MBNL2: variants seen among roughly 807,000 people sequenced by gnomAD.
MBNL2 encodes muscleblind-like protein 2.
A neutral mutation model predicts 41.9 loss-of-function variants in MBNL2; 17 were observed. The ratio of observed to expected loss-of-function variants is 0.41; its 90% CI spans 0.28 to 0.61. MBNL2 has a LOEUF of 0.61. Ranked by LOEUF, MBNL2 falls within the 20% of genes least tolerant of loss-of-function variation. The probability of loss-of-function intolerance (pLI) is 0.35; values close to 1 mark genes in which losing one functional copy is unlikely to be tolerated. For missense variants in MBNL2, 336 were observed against 505.6 expected, an observed-to-expected ratio of 0.66 and a Z score of 3.22; for synonymous variants, 195 against 182.9, an observed-to-expected ratio of 1.07 and a Z score of -0.53.
At chr13:97,196,794 C>T in the MBNL2 span, among the ~76,000 whole-genome samples, 1 of 152,164 alleles carries the variant, frequency 6.6e-6, no homozygotes, top group African/African-American at 2.4e-5. Flanking sequence ...CTGTGGTATT[C>T]CTTACACACT....
At chr13:97,238,944 G>A (rs1036938578) in intron 1 of MBNL2, among the ~76,000 whole-genome samples, 3 of 152,178 alleles carry the variant, frequency 2.0e-5, no homozygotes, top group African/African-American at 7.2e-5. Flanking sequence ...AGATAAATGT[G>A]AAGGAAGGTG....
At chr13:97,324,933 C>G (rs527868517) in intron 2 of MBNL2, among the ~76,000 whole-genome samples, 1 of 152,116 alleles carries the variant, frequency 6.6e-6, no homozygotes, top group Non-Finnish European at 1.5e-5. Flanking sequence ...TGCTGGCAGC[C>G]GATTAGATGG....
intron 2 of MBNL2, among the ~76,000 whole-genome samples, chr13:97,304,998 TA>T (rs1431962480): frequency 6.6e-6 from 1 of 152,032 alleles, no homozygotes; most frequent in Non-Finnish European, 1.5e-5. Context: ...ATCTGCTGCT[TA>T]AAAAAAATAA....
intron 1 of MBNL2, among the ~76,000 whole-genome samples, chr13:97,263,504 T>A (rs1044058429): frequency 1.3e-5 from 2 of 152,196 alleles, no homozygotes; most frequent in African/African-American, 4.8e-5. Flanking sequence ...GGACCATTTT[T>A]AAAAAAATTG....
chr13:97,190,926 G>T, the MBNL2 span, among the ~76,000 whole-genome samples: 3 of 151,920 alleles, frequency 2.0e-5, no homozygotes, highest in South Asian at 4.2e-4. Flanking sequence ...AAATAGCTCT[G>T]GTTGCTTTTA....
intron 8 of MBNL2, among the ~76,000 whole-genome samples, chr13:97,376,922 G>A (rs1294523638): frequency 1.3e-5 from 2 of 152,184 alleles, no homozygotes; most frequent in South Asian, 2.1e-4. Flanking sequence ...AAGAGAGCCA[G>A]GCCCAGGACC....
intron 5 of MBNL2, among the ~76,000 whole-genome samples, chr13:97,353,666 C>G (rs2062708659): frequency 6.6e-6 from 1 of 152,112 alleles, no homozygotes; most frequent in Non-Finnish European, 1.5e-5. Flanking sequence ...TCACCATCAC[C>G]AGAATTTTTT....
In MBNL2 at chr13:97,334,905, C is replaced by T. The variant is rs1446546826; in HGVS notation, c.339+465C>T. On this transcript the variant is annotated intron_variant, in intron 3 of 8. Coordinates refer to ENST00000679496, the MANE Select transcript of MBNL2 (RefSeq NM_001382683.1). The surrounding 1 kb of genome is among the most constrained non-coding windows in gnomAD (Gnocchi z 5.3). Reference sequence around the variant, plus strand: ...GTCATGCAGCTAATAAATCTTGGAGCTGGGACTTAACTCAGACATGTTAGC... The same window carrying T: ...GTCATGCAGCTAATAAATCTTGGAGTTGGGACTTAACTCAGACATGTTAGC... 6.6e-6 allele frequency among the ~76,000 whole-genome samples: 1 copy of T among 152,202 alleles called. No individual in the cohort carries two copies. Among genetic ancestry groups the T allele is most frequent in the Non-Finnish European group, 1.5e-5 (1 of 68,044 alleles).
intron 2 of MBNL2, among the ~76,000 whole-genome samples, chr13:97,314,107 C>T (rs1376159994): frequency 6.6e-6 from 1 of 152,080 alleles, no homozygotes; most frequent in African/African-American, 2.4e-5. Context: ...CTCACTCTCC[C>T]CACCTCTCCA....
At chr13:97,380,859 G>A (rs924332711) in intron 8 of MBNL2, among the ~76,000 whole-genome samples, 2 of 152,078 alleles carry the variant, frequency 1.3e-5, no homozygotes, top group African/African-American at 4.8e-5. Context: ...GGGCTTACTG[G>A]GGAGGGCAGA....
chr13:97,375,944 T>A (rs1415877331), intron 8 of MBNL2, among the ~76,000 whole-genome samples: 7 of 151,926 alleles, frequency 4.6e-5, no homozygotes, highest in African/African-American at 1.5e-4. Context: ...GGTGGGGCAG[T>A]CCTAGAAATT....
At chr13:97,341,375 A>G (rs553587386) in intron 3 of MBNL2, among the ~76,000 whole-genome samples, 15 of 152,222 alleles carry the variant, frequency 9.9e-5, no homozygotes, top group Non-Finnish European at 2.2e-4. Context: ...CTAACATTAC[A>G]TAGTCCGTAA....
At chr13:97,173,103 A>G in the MBNL2 span, among the ~76,000 whole-genome samples, 2 of 152,190 alleles carry the variant, frequency 1.3e-5, no homozygotes, top group Admixed American at 1.3e-4. Context: ...ATGTGTGTGT[A>G]TGTATACAAG....
At chr13:97,374,063 A>ATTTTTTTTTTTTTTTTTTTT (rs61185219) in intron 8 of MBNL2, among the ~76,000 whole-genome samples, 4 of 63,106 alleles carry the variant, frequency 6.3e-5, no homozygotes, top group Non-Finnish European at 9.2e-5. Context: ...CCTCCTTTGC[A>ATTTTTTTTTTTTTTTTTTTT]TTTTTTTTTT....
At chr13:97,199,602 G>C in the MBNL2 span, among the ~76,000 whole-genome samples, 1 of 152,250 alleles carries the variant, frequency 6.6e-6, no homozygotes, top group Non-Finnish European at 1.5e-5. Flanking sequence ...GGTATGGAGA[G>C]AGATTACTTC....
chr13:97,373,410 GAGT>G (rs1442458992), intron 8 of MBNL2, among the ~76,000 whole-genome samples: 1 of 151,708 alleles, frequency 6.6e-6, no homozygotes, highest in Non-Finnish European at 1.5e-5. Flanking sequence ...GAGAGAGAGA[GAGT>G]AGAGAGAGAG....
rs368370092 is a variant in MBNL2, at chr13:97,387,846, T to C, written c.1049-3476T>C. Among the ~76,000 whole-genome samples, 23 of 152,294 alleles carry C rather than the reference T, an allele frequency of 1.5e-4. No individual in the cohort carries two copies. In the East Asian group the frequency reaches 2.9e-3, roughly 19 times the overall value. ...GCCTCCTGAAAATCAAGGGGATATA[T>C]CTTAAAATTCAAACAAAAACAAGGG... On this transcript the variant is annotated intron_variant, in intron 8 of 8. Transcript: ENST00000679496.
upstream of MBNL2, among the ~76,000 whole-genome samples, chr13:97,218,580 A>T (rs1457644671): frequency 6.6e-6 from 1 of 151,892 alleles, no homozygotes; most frequent in South Asian, 2.1e-4. Context: ...TCCTCTGGCC[A>T]CCTCCTTTAC....
chr13:97,153,513 TAA>T, the MBNL2 span, among the ~76,000 whole-genome samples: 1 of 152,206 alleles, frequency 6.6e-6, no homozygotes, highest in Non-Finnish European at 1.5e-5. Context: ...TTGGGATTTT[TAA>T]AAAATGAACC....
Sources: allele counts gnomAD v4.1 joint callset (sites outside exome capture counted in the v4.1 genomes callset), GRCh38; gene constraint gnomAD v4.1.1; non-coding constraint Gnocchi (gnomAD v3.1); transcripts MANE v1.5; gene names NCBI Gene and HGNC (gene_info 2026-07-23, HGNC 2026-07-21).